Variants in STARD3NL observed in about 807,000 individuals in gnomAD.
STARD3NL encodes the protein STARD3 N-terminal-like protein.
Under a neutral mutation model 30.9 loss-of-function variants are expected in STARD3NL, and 17 were observed. That is an observed-to-expected ratio of 0.55 (90% CI 0.38 to 0.82). STARD3NL has a LOEUF of 0.82. Among genes scored for constraint, STARD3NL ranks in the 40% least tolerant of loss-of-function variants. The pLI is 0.00. For missense variants in STARD3NL, 234 were observed against 277.6 expected (o/e 0.84, Z 1.12); for synonymous variants, 112 against 100.5 (o/e 1.11, Z -0.69).
intron 2 of STARD3NL, among the ~76,000 whole-genome samples, chr7:38,213,519 G>A (rs1583816017): frequency 1.3e-5 from 2 of 152,246 alleles, no homozygotes; most frequent in South Asian, 4.1e-4. Context: ...TCTTATCCAG[G>A]TCTCTGGTTA....
At chr7:38,221,760 G>C (rs925111645) in intron 7 of STARD3NL, among the ~76,000 whole-genome samples, 3 of 152,200 alleles carry the variant, frequency 2.0e-5, no homozygotes, top group Non-Finnish European at 2.9e-5. Context: ...GTGCCCCTGT[G>C]GGCACTGTCA....
At chr7:38,194,788 T>A (rs950243731) in intron 1 of STARD3NL, among the ~76,000 whole-genome samples, 24 of 152,346 alleles carry the variant, frequency 1.6e-4, no homozygotes, top group African/African-American at 5.0e-4. Flanking sequence ...TTTATAAATA[T>A]GGCTTACCTC....
chr7:38,203,287 G>A (rs985062871), intron 1 of STARD3NL, among the ~76,000 whole-genome samples: 8 of 152,110 alleles, frequency 5.3e-5, no homozygotes, highest in Non-Finnish European at 1.2e-4. Context: ...CTGATCTCTC[G>A]GCAGAAACTC....
chr7:38,220,219 A>G (rs769298550), intron 7 of STARD3NL, among the ~76,000 whole-genome samples: 5 of 152,200 alleles, frequency 3.3e-5, no homozygotes, highest in Non-Finnish European at 5.9e-5. Context: ...CCCTGCCTCC[A>G]GTTTTGTCTT....
At position 38,217,264 on chromosome 7, in the gene STARD3NL, T is replaced by C; in HGVS notation, c.512T>C (p.Leu171Pro). Residue 171 changes from leucine (L) to proline (P), a missense_variant, in exon 6 of 9, where the codon CTG becomes CCG. By Grantham distance (98) the Leu-to-Pro change is moderately conservative. Transcript: ENST00000009041. ...CTTGCCTGGATTGAGACGTGGTTCC[T>C]GGATTTCAAAGTGTTACCTCAAGAA... ...FILAWIETWF[L>P]DFKVLPQEAE... 6.2e-7 allele frequency: 1 copy of C among 1,614,080 alleles called. No individual in the cohort carries two copies. The highest frequency in any genetic ancestry group is 8.5e-7 in the Non-Finnish European group (1 of 1,179,952).
At chr7:38,191,166 G>A (rs1358247754) in intron 1 of STARD3NL, among the ~76,000 whole-genome samples, 2 of 152,106 alleles carry the variant, frequency 1.3e-5, no homozygotes, top group Non-Finnish European at 2.9e-5. Context: ...GCCTGAATCT[G>A]TTACTACACT....
intron 2 of STARD3NL, among the ~76,000 whole-genome samples, chr7:38,208,576 A>G (rs1785622229): frequency 6.6e-6 from 1 of 152,156 alleles, no homozygotes; most frequent in Non-Finnish European, 1.5e-5. Flanking sequence ...TTTCTTACCA[A>G]CCAATAGGTG....
At chr7:38,200,012 C>T (rs555199386) in intron 1 of STARD3NL, among the ~76,000 whole-genome samples, 7 of 152,308 alleles carry the variant, frequency 4.6e-5, no homozygotes, top group African/African-American at 1.7e-4. Flanking sequence ...GTTCCAGCAC[C>T]TAGGCTAGCC....
At position 38,220,770 on chromosome 7, in the gene STARD3NL, G is replaced by A. The variant is rs370630575; in HGVS notation, c.649+1110G>A. 5.3e-5 allele frequency among the ~76,000 whole-genome samples: 8 copies of A among 152,274 alleles called. No individual in the cohort carries two copies. The East Asian group carries it at 1.2e-3, about 22-fold the overall frequency. On this transcript the variant is annotated intron_variant, in intron 7 of 8. Transcript: ENST00000009041. ...GCTGTCAGCAGATGGGTGGATAAAC[G>A]ACATGTATGTACATCCAATGGAATA...
At chr7:38,189,547 G>A (rs1784598724) in intron 1 of STARD3NL, among the ~76,000 whole-genome samples, 1 of 152,186 alleles carries the variant, frequency 6.6e-6, no homozygotes, top group Non-Finnish European at 1.5e-5. Context: ...GGTGTATGTT[G>A]TACACGTTTT....
intron 1 of STARD3NL, among the ~76,000 whole-genome samples, chr7:38,187,026 A>T (rs1400675517): frequency 3.0e-5 from 3 of 100,126 alleles, no homozygotes; most frequent in Non-Finnish European, 4.7e-5. Flanking sequence ...AGCAGCTTCT[A>T]AAAAAAAAAA....
Position 38,214,383 on chromosome 7 carries a change from A to T in STARD3NL, c.252A>T (p.Leu84Phe). 1 of 1,608,106 alleles carries T rather than the reference A, an allele frequency of 6.2e-7. No homozygotes were observed. Among genetic ancestry groups the T allele is most frequent in the East Asian group, 2.2e-5 (1 of 44,674 alleles). ...LNVNGGIENTLEKEVMQYDYY... is the reference protein window; with the variant it reads ...LNVNGGIENTFEKEVMQYDYY... The stretch of plus-strand genomic sequence containing the variant: ...TGAATGGAGGCATTGAGAACACATT[A>T]GAGAAGGAGGTGATGCAGTATGACT... Residue 84 changes from leucine (L) to phenylalanine (F), a missense_variant, in exon 3 of 9, where the codon TTA (leucine) becomes TTT (phenylalanine). Leu to Phe is a conservative substitution (Grantham distance 22). Transcript: ENST00000009041.
At chr7:38,179,331 A>G (rs1047133417) in intron 1 of STARD3NL, among the ~76,000 whole-genome samples, 1 of 152,232 alleles carries the variant, frequency 6.6e-6, no homozygotes, top group South Asian at 2.1e-4. Flanking sequence ...GGATTCTGAT[A>G]AGGTGGTGGA....
chr7:38,199,425 A>G (rs186030901), intron 1 of STARD3NL, among the ~76,000 whole-genome samples: 5 of 152,384 alleles, frequency 3.3e-5, no homozygotes, highest in African/African-American at 7.2e-5. Context: ...GATGCTAGAT[A>G]GAATTTATGC....
intron 1 of STARD3NL, among the ~76,000 whole-genome samples, chr7:38,193,351 T>C (rs941433025): frequency 6.6e-6 from 1 of 152,046 alleles, no homozygotes; most frequent in Non-Finnish European, 1.5e-5. Context: ...CAGGCTGGAG[T>C]GTAGTGGTGC....
chr7:38,194,607 G>C (rs1293709217), intron 1 of STARD3NL, among the ~76,000 whole-genome samples: 3 of 151,954 alleles, frequency 2.0e-5, no homozygotes, highest in Non-Finnish European at 4.4e-5. Context: ...TGTTTTTACT[G>C]TCATTTTTTT....
At chr7:38,224,124 A>G (rs1310991452) in intron 7 of STARD3NL, among the ~76,000 whole-genome samples, 1 of 151,566 alleles carries the variant, frequency 6.6e-6, no homozygotes, top group Non-Finnish European at 1.5e-5. Context: ...GTTGTAGCAT[A>G]TATCAGTGTT....
chr7:38,212,796 T>G (rs956218261), intron 2 of STARD3NL, among the ~76,000 whole-genome samples: 2 of 152,118 alleles, frequency 1.3e-5, no homozygotes, highest in Non-Finnish European at 2.9e-5. Context: ...ATCCCCAGTA[T>G]GCAAAGATGA....
chr7:38,208,222 G>A (rs1785600395), intron 2 of STARD3NL, among the ~76,000 whole-genome samples: 2 of 152,156 alleles, frequency 1.3e-5, no homozygotes, highest in Admixed American at 1.3e-4. Context: ...GAATGCTTTT[G>A]GAATATGTTT....
Sources: gnomAD v4.1 joint callset for allele counts (sites outside exome capture counted in the v4.1 genomes callset) on GRCh38, gnomAD v4.1.1 for gene constraint, MANE v1.5 for transcripts, NCBI Gene and HGNC (gene_info 2026-07-23, HGNC 2026-07-21) for gene names.